Variants in NEUROD4 observed in about 807,000 individuals in gnomAD.
NEUROD4 encodes the protein neurogenic differentiation factor 4.
Under a neutral mutation model 19.8 loss-of-function variants are expected in NEUROD4, and 16 were observed. The ratio of observed to expected loss-of-function variants is 0.81; its 90% CI spans 0.55 to 1.23. The LOEUF (loss-of-function observed/expected upper bound fraction) is 1.23, where lower values mean the gene tolerates loss of function less well. Ranked by LOEUF, NEUROD4 falls within the 50% of genes most tolerant of loss-of-function variation. NEUROD4 has a pLI of 0.00. For synonymous variants in NEUROD4, 153 were observed against 147.9 expected, an observed-to-expected ratio of 1.03 and a Z score of -0.25; for missense variants, 439 against 398.6, an observed-to-expected ratio of 1.10 and a Z score of -0.86.
rs1952768046 is a variant in NEUROD4 at position 55,029,262 on chromosome 12, T to G, written c.*1827T>G. ...TTGTAAATTCACTTGAAAGTAGCCT[T>G]GCAGAGAGATCTTAAGCCCCATCAG... On this transcript the variant is annotated 3_prime_UTR_variant, in exon 2 of 2. Coordinates refer to ENST00000242994, the MANE Select transcript of NEUROD4 (RefSeq NM_021191.3). The G allele has an allele frequency of 6.0e-6, 1 of 166,878 alleles. No homozygotes were observed. Among genetic ancestry groups the G allele is most frequent in the South Asian group, 2.1e-4 (1 of 4,834 alleles). The allele number at this position is 166,878 out of a possible 1,614,324, so 10.3% of individuals were successfully genotyped here. A position where few individuals can be genotyped will look rare whatever the true frequency, so the allele number is the denominator to read the frequency against.
rs1952754858 is a variant in NEUROD4, at chr12:55,028,082, G to C, written c.*647G>C. On this transcript the variant is annotated 3_prime_UTR_variant, in exon 2 of 2. Transcript: ENST00000242994. ...TGGAAGCTAAAAGTCTAACATGGCT[G>C]TCACTGTGAAGAACAAAACATGTTC... 1 of 167,030 alleles carries C rather than the reference G, an allele frequency of 6.0e-6. No homozygotes were observed. Among genetic ancestry groups the C allele is most frequent in the Non-Finnish European group, 1.5e-5 (1 of 68,136 alleles). The allele number at this position is 167,030 out of a possible 1,614,324, so 10.3% of individuals were successfully genotyped here. A position where few individuals can be genotyped will look rare whatever the true frequency, so the allele number is the denominator to read the frequency against.
Position 55,026,568 on chromosome 12 carries a change from G to A in NEUROD4, c.129G>A (p.Met43Ile), listed in dbSNP as rs1952732795. ...EEESRPGTYG[M>I]LSSLTEEHDS... ...AGAGCAGACCAGGTACTTATGGGAT[G>A]CTCAGCAGCTTAACTGAAGAGCATG... is the stretch of plus-strand genomic sequence containing the variant. Residue 43 changes from methionine (M) to isoleucine (I), a missense_variant, in exon 2 of 2, where the codon ATG becomes ATA. Met to Ile is a conservative substitution (Grantham distance 10, BLOSUM62 1). Transcript: ENST00000242994. 2 of 1,614,026 alleles carry A rather than the reference G, an allele frequency of 1.2e-6. No individual in the cohort carries two copies. The highest frequency in any genetic ancestry group is 1.7e-6 in the Non-Finnish European group (2 of 1,179,968).
intron 1 of NEUROD4, among the ~76,000 whole-genome samples, chr12:55,021,992 A>C (rs1195774121): frequency 6.6e-6 from 1 of 152,096 alleles, no homozygotes; most frequent in East Asian, 1.9e-4. Flanking sequence ...ATGCTTTGTG[A>C]GATAGTGCTA....
chr12:55,023,717 C>G (rs142160081), intron 1 of NEUROD4, among the ~76,000 whole-genome samples: 1 of 152,200 alleles, frequency 6.6e-6, no homozygotes, highest in Non-Finnish European at 1.5e-5. Flanking sequence ...CTGTGTCCTT[C>G]CCATGATTAG....
intron 1 of NEUROD4, among the ~76,000 whole-genome samples, chr12:55,024,028 A>G (rs1952697575): frequency 6.6e-6 from 1 of 152,122 alleles, no homozygotes; most frequent in Non-Finnish European, 1.5e-5. Flanking sequence ...ACAATTCAGG[A>G]GACTCTCCTC....
rs528845480 is a variant in NEUROD4 at position 55,029,400 on chromosome 12, A to G, written c.*1965A>G. On this transcript the variant is annotated 3_prime_UTR_variant, in exon 2 of 2. Coordinates refer to ENST00000242994, the MANE Select transcript of NEUROD4 (RefSeq NM_021191.3). ...AGTATATACTGCACTTACCTTTGTG[A>G]GCGGCTGTAGGAGGGTCTATCCTCG... is the stretch of plus-strand genomic sequence containing the variant. The G allele has an allele frequency of 6.6e-5, 11 of 167,126 alleles. No homozygotes were observed. The South Asian group carries it at 1.4e-3, about 22-fold the overall frequency. 10.4% of individuals were successfully genotyped at this position (167,126 alleles called of 1,614,324 possible).
In NEUROD4 at chr12:55,023,362, C is replaced by T. The variant is rs139790398; in HGVS notation, c.-10+3049C>T. On this transcript the variant is annotated intron_variant, in intron 1 of 1. Transcript: ENST00000242994. ...TAATTTTTATTTTTGAATAAGCAAA[C>T]GTGTGTGAATAGATTAGATAAGAAA... is the stretch of plus-strand genomic sequence containing the variant. 5.6e-3 allele frequency among the ~76,000 whole-genome samples: 846 copies of T among 151,998 alleles called. 8 individuals carry two copies. The highest frequency in any genetic ancestry group is 0.02 in the African/African-American group (813 of 41,458).
At chr12:55,024,762 A>C (rs1022317389) in intron 1 of NEUROD4, among the ~76,000 whole-genome samples, 13 of 152,182 alleles carry the variant, frequency 8.5e-5, no homozygotes, top group African/African-American at 3.1e-4. Flanking sequence ...GTTTTCAATA[A>C]AGCTGCTTAC....
At chr12:55,025,934 TTTG>T (rs1952723038) in intron 1 of NEUROD4, among the ~76,000 whole-genome samples, 1 of 152,240 alleles carries the variant, frequency 6.6e-6, no homozygotes, top group Non-Finnish European at 1.5e-5. Flanking sequence ...AGTTTTTTAT[TTTG>T]TATGGTGTAA....
At chr12:55,020,827 A>G (rs1317371456) in intron 1 of NEUROD4, among the ~76,000 whole-genome samples, 1 of 152,132 alleles carries the variant, frequency 6.6e-6, no homozygotes, top group Non-Finnish European at 1.5e-5. Flanking sequence ...ACCATTAACT[A>G]TTTTGTTTAC....
In NEUROD4 at chr12:55,027,568, C is replaced by T. The variant is rs1156326597; in HGVS notation, c.*133C>T. ...AAACAATAGTTCAAGTCCATTTAGG[C>T]TTTCCTTCACCTATCACCTCTTTTC... is the stretch of plus-strand genomic sequence containing the variant. On this transcript the variant is annotated 3_prime_UTR_variant, in exon 2 of 2. Transcript: ENST00000242994. 2 of 833,730 alleles carry T rather than the reference C, an allele frequency of 2.4e-6. No individual in the cohort carries two copies. Among genetic ancestry groups the T allele is most frequent in the Non-Finnish European group, 3.8e-6 (2 of 522,984 alleles). The allele number at this position is 833,730 out of a possible 1,614,324, so 51.6% of individuals were successfully genotyped here.
At position 55,020,187 on chromosome 12, in the gene NEUROD4, C is replaced by T. The variant is rs1182405269; in HGVS notation, c.-136C>T. 6.6e-6 allele frequency: 1 copy of T among 151,050 alleles called. No homozygotes were observed. The highest frequency in any genetic ancestry group is 1.5e-5 in the Non-Finnish European group (1 of 68,020). 9.4% of individuals were successfully genotyped at this position (151,050 alleles called of 1,614,324 possible). A position where few individuals can be genotyped will look rare whatever the true frequency, so the allele number is the denominator to read the frequency against. ...GGTGGAATCTCTAAGAGGTAACAAC[C>T]GGGTTTGACATGGATCGCTGAAAGC... On this transcript the variant is annotated 5_prime_UTR_variant, in exon 1 of 2. Transcript: ENST00000242994.
chr12:55,025,606 A>G (rs1952719680), intron 1 of NEUROD4, among the ~76,000 whole-genome samples: 1 of 152,230 alleles, frequency 6.6e-6, no homozygotes, highest in African/African-American at 2.4e-5. Flanking sequence ...ATGCCATGTC[A>G]CTAACACTTC....
chr12:55,022,114 A>G (rs1368980117), intron 1 of NEUROD4, among the ~76,000 whole-genome samples: 1 of 152,168 alleles, frequency 6.6e-6, no homozygotes, highest in Non-Finnish European at 1.5e-5. Flanking sequence ...GAAAACTTCT[A>G]AATGATGTAG....
chr12:55,025,679 G>A (rs1371079072), intron 1 of NEUROD4, among the ~76,000 whole-genome samples: 2 of 152,212 alleles, frequency 1.3e-5, no homozygotes, highest in African/African-American at 4.8e-5. Context: ...CTCCTCTGGT[G>A]ATAGTGAGAG....
chr12:55,027,430 G>A lies in NEUROD4; in HGVS notation c.991G>A (p.Glu331Lys), dbSNP rs1565597647. ...GACCCAACTCAATACAGTCTTCACT[G>A]AGTGAGGCAGTTAAGTTCAATGTTT... ...IGTQLNTVFT[E>K] Residue 331 changes from glutamate (E) to lysine (K), a missense_variant, in exon 2 of 2, where the codon GAG becomes AAG. Physicochemically the swap from Glu to Lys is moderately conservative, Grantham distance 56. Coordinates refer to ENST00000242994, the MANE Select transcript of NEUROD4 (RefSeq NM_021191.3). 1.9e-6 allele frequency: 3 copies of A among 1,593,800 alleles called. No individual in the cohort carries two copies. In the East Asian group the frequency reaches 6.7e-5, roughly 36 times the overall value.
intron 1 of NEUROD4, among the ~76,000 whole-genome samples, chr12:55,022,208 T>C (rs1037448378): frequency 1.3e-5 from 2 of 152,018 alleles, no homozygotes; most frequent in Non-Finnish European, 2.9e-5. Flanking sequence ...CTTTAATGAG[T>C]GAATGATGAA....
Position 55,026,563 on chromosome 12 carries a change from G to A in NEUROD4, c.124G>A (p.Gly42Arg), listed in dbSNP as rs1952732616. Residue 42 changes from glycine to arginine, a missense_variant, in exon 2 of 2, where the codon GGG (glycine) becomes AGG (arginine). Transcript: ENST00000242994. ...KEEESRPGTY[G>R]MLSSLTEEHD... ...GGAAGAGAGCAGACCAGGTACTTAT[G>A]GGATGCTCAGCAGCTTAACTGAAGA... 6.2e-7 allele frequency: 1 copy of A among 1,613,898 alleles called. No individual in the cohort carries two copies. Among genetic ancestry groups the A allele is most frequent in the Non-Finnish European group, 8.5e-7 (1 of 1,179,970 alleles).
chr12:55,026,757 C>T lies in NEUROD4; in HGVS notation c.318C>T (p.Ala106=). ...CCCGGATGCATGGCCTGAATGACGCCCTGGATAACCTGAGGCGAGTCATGC... is the reference window on the plus strand; with the variant it reads ...CCCGGATGCATGGCCTGAATGACGCTCTGGATAACCTGAGGCGAGTCATGC... ...ERTRMHGLND[A]LDNLRRVMPC... is the part of the protein sequence containing the mutation. The change falls in exon 2 of 2, where the codon GCC becomes GCT. Residue 106 remains alanine (A), a synonymous_variant. Transcript: ENST00000242994. The T allele has an allele frequency of 1.9e-6, 3 of 1,614,150 alleles. No individual in the cohort carries two copies. Among genetic ancestry groups the T allele is most frequent in the Non-Finnish European group, 2.5e-6 (3 of 1,180,018 alleles).
Sources: allele counts gnomAD v4.1 joint callset (sites outside exome capture counted in the v4.1 genomes callset), GRCh38; gene constraint gnomAD v4.1.1; transcripts MANE v1.5; gene names NCBI Gene and HGNC (gene_info 2026-07-23, HGNC 2026-07-21).